The following PTK6 variants were observed in gnomAD, a reference collection of about 807,000 sequenced individuals.
The protein encoded by PTK6 is protein-tyrosine kinase 6.
Under a neutral mutation model 47.5 loss-of-function variants are expected in PTK6, and 47 were observed. The ratio of observed to expected loss-of-function variants is 0.99; its 90% CI spans 0.78 to 1.26. The LOEUF is 1.26. Ranked by LOEUF, PTK6 falls within the 50% of genes most tolerant of loss-of-function variation. PTK6 has a pLI of 0.00. For missense variants in PTK6, 618 were observed against 625.3 expected (o/e 0.99, Z 0.12); for synonymous variants, 287 against 276.5 (o/e 1.04, Z -0.38).
chr20:63,534,917 G>T (rs766368450), intron 2 of PTK6, 21 bp downstream of exon 2: 7 of 1,581,356 alleles, frequency 4.4e-6, no homozygotes, highest in Non-Finnish European at 5.2e-6. Context: ...GCAAGCACAG[G>T]CTCGGAGGCC....
rs2082607998 is a variant in PTK6 at position 63,530,315 on chromosome 20, GC to G, written c.1015-85del. 1.3e-6 allele frequency: 2 copies of G among 1,537,666 alleles called. No homozygotes were observed. The highest frequency in any genetic ancestry group is 1.2e-5 in the South Asian group (1 of 83,976). ...CATGGACGGGCACAGCGGCCGCATT[GC>G]CCCAGCAGTGGGACGGTGATGACCC... is the stretch of plus-strand genomic sequence containing the variant. On this transcript the variant is annotated intron_variant, in intron 6 of 7. Coordinates refer to ENST00000542869, the MANE Select transcript of PTK6 (RefSeq NM_005975.4). This position sits in a 1 kb window ranked among gnomAD's most constrained non-coding sequence, Gnocchi z 4.1.
In PTK6 at chr20:63,537,323, G is replaced by C. The variant is rs2082678513; in HGVS notation, c.-9C>G. On this transcript the variant is annotated 5_prime_UTR_variant, in exon 1 of 8. Coordinates refer to ENST00000542869, the MANE Select transcript of PTK6 (RefSeq NM_005975.4). ...TGGTCCCGGGACACCATGGCGGGCGGGCGCAGCGGCAGGACCAGGCTGTGG... is the reference window on the plus strand; with the variant it reads ...TGGTCCCGGGACACCATGGCGGGCGCGCGCAGCGGCAGGACCAGGCTGTGG... 6.2e-7 allele frequency: 1 copy of C among 1,600,582 alleles called. No individual in the cohort carries two copies. The highest frequency in any genetic ancestry group is 8.5e-7 in the Non-Finnish European group (1 of 1,174,310).
In PTK6 at chr20:63,528,016, A is replaced by C. The variant is rs1264262588; in HGVS notation, c.*1520T>G. ...TAGCCATGGCTCAGGATCTGATGAG[A>C]GTTTATTATATTCGTGACACGGTTG... On this transcript the variant is annotated 3_prime_UTR_variant, in exon 8 of 8. Coordinates refer to ENST00000542869, the MANE Select transcript of PTK6 (RefSeq NM_005975.4). 6.6e-6 allele frequency: 1 copy of C among 152,246 alleles called. No homozygotes were observed. The highest frequency in any genetic ancestry group is 1.9e-4 in the East Asian group (1 of 5,204). 9.4% of individuals were successfully genotyped at this position (152,246 alleles called of 1,614,324 possible).
At position 63,529,556 on chromosome 20, in the gene PTK6, T is replaced by C. The variant is rs1456419388; in HGVS notation, c.1336A>G (p.Ser446Gly). The C allele has an allele frequency of 6.4e-7, 1 of 1,572,620 alleles. No individual in the cohort carries two copies. Among genetic ancestry groups the C allele is most frequent in the Non-Finnish European group, 8.6e-7 (1 of 1,159,120 alleles). ...ALRERLSSFT[S>G]YENPT ...GCAGCTCAGGTCGGGTTCTCGTAGC[T>C]GGTGAAGCTGGAGAGCCTCTCCCGC... is the stretch of plus-strand genomic sequence containing the variant. Residue 446 changes from serine (S) to glycine (G), a missense_variant, in exon 8 of 8, where the codon AGC becomes GGC. By Grantham distance (56) the Ser-to-Gly change is moderately conservative (BLOSUM62 0). Coordinates refer to ENST00000542869, the MANE Select transcript of PTK6 (RefSeq NM_005975.4). The surrounding 1 kb of genome is among the most constrained non-coding windows in gnomAD (Gnocchi z 5.6).
At position 63,532,570 on chromosome 20, in the gene PTK6, A is replaced by C. The variant is rs911987241; in HGVS notation, c.788T>G (p.Ile263Ser). 1.5e-5 allele frequency: 24 copies of C among 1,613,730 alleles called. No individual in the cohort carries two copies. Among genetic ancestry groups the C allele is most frequent in the Non-Finnish European group, 2.0e-5 (24 of 1,179,878 alleles). Residue 263 changes from isoleucine to serine, a missense_variant, in exon 5 of 8, where the codon ATC (isoleucine) becomes AGC (serine). Ile to Ser is a moderately radical substitution (Grantham distance 142). Coordinates refer to ENST00000542869, the MANE Select transcript of PTK6 (RefSeq NM_005975.4). ...VVSVGDPVYIITELMAKGSLL... is the reference protein window; with the variant it reads ...VVSVGDPVYISTELMAKGSLL... Reference sequence around the variant, plus strand: ...GCTGCCCTTGGCCATGAGCTCCGTGATGATGTACACGGGGTCCCCCACGGA... The same window carrying C: ...GCTGCCCTTGGCCATGAGCTCCGTGCTGATGTACACGGGGTCCCCCACGGA...
At chr20:63,534,767 C>T in intron 2 of PTK6, 171 bp downstream of exon 2, 1 of 1,051,650 alleles carries the variant, frequency 9.5e-7, no homozygotes, top group South Asian at 1.9e-5. Flanking sequence ...CAGCCAGTGA[C>T]CCAGGCCCCA....
At chr20:63,534,095 C>T (rs1044812986) in intron 3 of PTK6, 57 bp downstream of exon 3, 47 of 1,478,046 alleles carry the variant, frequency 3.2e-5, no homozygotes, top group South Asian at 2.1e-4. Flanking sequence ...GTAGGAAATG[C>T]CAGCCTGTGA....
Position 63,533,016 on chromosome 20 carries a change from C to T in PTK6, c.671-329G>A, listed in dbSNP as rs2145973429. On this transcript the variant is annotated intron_variant, in intron 4 of 7. Coordinates refer to ENST00000542869, the MANE Select transcript of PTK6 (RefSeq NM_005975.4). The surrounding 1 kb of genome is among the most constrained non-coding windows in gnomAD (Gnocchi z 4.0). Reference sequence around the variant, plus strand: ...GGAAGTTTTACCCATTTCCAGTGATCTATTTTAATGGCTTTCCATTACGTC... The same window carrying T: ...GGAAGTTTTACCCATTTCCAGTGATTTATTTTAATGGCTTTCCATTACGTC... Among the ~76,000 whole-genome samples the T allele has an allele frequency of 6.6e-6, 1 of 152,212 alleles. No individual in the cohort carries two copies. The highest frequency in any genetic ancestry group is 3.4e-3 in the Middle Eastern group (1 of 294).
At position 63,533,547 on chromosome 20, in the gene PTK6, T is replaced by C. The variant is rs375032266; in HGVS notation, c.670+4A>G. 3 of 1,602,166 alleles carry C rather than the reference T, an allele frequency of 1.9e-6. No homozygotes were observed. Among genetic ancestry groups the C allele is most frequent in the African/African-American group, 2.7e-5 (2 of 74,588 alleles). ...ACACAGAGCCCTGATCGGGGCCCAC[T>C]CACCTCGAGAAATCACCTTAATGGC... On this transcript the variant is annotated splice_donor_region_variant and intron_variant, in intron 4 of 7. Transcript: ENST00000542869. The surrounding 1 kb of genome is among the most constrained non-coding windows in gnomAD (Gnocchi z 4.0).
chr20:63,530,742 C>T lies in PTK6; in HGVS notation c.1014+4G>A. Reference sequence around the variant, plus strand: ...ACCCCAGCCACGCCCTCTGAGGGCCCTACCTTGATAAGCCTGGCTAACCCG... The same window carrying T: ...ACCCCAGCCACGCCCTCTGAGGGCCTTACCTTGATAAGCCTGGCTAACCCG... On this transcript the variant is annotated splice_donor_region_variant and intron_variant, in intron 6 of 7. Coordinates refer to ENST00000542869, the MANE Select transcript of PTK6 (RefSeq NM_005975.4). This position sits in a 1 kb window ranked among gnomAD's most constrained non-coding sequence, Gnocchi z 4.1. 6.2e-7 allele frequency: 1 copy of T among 1,613,656 alleles called. No individual in the cohort carries two copies. Among genetic ancestry groups the T allele is most frequent in the African/African-American group, 1.3e-5 (1 of 75,026 alleles).
chr20:63,530,791 G>C lies in PTK6; in HGVS notation c.969C>G (p.Asn323Lys). The C allele has an allele frequency of 6.2e-7, 1 of 1,614,070 alleles. No individual in the cohort carries two copies. The highest frequency in any genetic ancestry group is 8.5e-7 in the Non-Finnish European group (1 of 1,179,968). Residue 323 changes from asparagine to lysine, a missense_variant, in exon 6 of 8, where the codon AAC becomes AAG. By Grantham distance (94) the Asn-to-Lys change is moderately conservative. Transcript: ENST00000542869. This position sits in a 1 kb window ranked among gnomAD's most constrained non-coding sequence, Gnocchi z 4.1. ...CGAAGTCCCCAACTTTGCAGAGGGT[G>C]TTTTCCCCGACGAGGATGTTCCTGG... is the stretch of plus-strand genomic sequence containing the variant. ...LAARNILVGE[N>K]TLCKVGDFGL...
intron 2 of PTK6, among the ~76,000 whole-genome samples, chr20:63,534,619 C>T (rs2082650007): frequency 6.6e-6 from 1 of 152,182 alleles, no homozygotes; most frequent in South Asian, 2.1e-4. Context: ...TCTCTGCGCC[C>T]CGCACACCCC....
Position 63,537,180 on chromosome 20 carries a change from C to G in PTK6, c.135G>C (p.Trp45Cys). 2.5e-6 allele frequency: 4 copies of G among 1,612,442 alleles called. No individual in the cohort carries two copies. Among genetic ancestry groups the G allele is most frequent in the African/African-American group, 1.3e-5 (1 of 75,064 alleles). Residue 45 changes from tryptophan to cysteine, a missense_variant, in exon 1 of 8, where the codon TGG becomes TGC. Physicochemically the swap from Trp to Cys is radical, Grantham distance 215. Transcript: ENST00000542869. ...FHVARKEEQW[W>C]WATLLDEAGG... is the part of the protein sequence containing the mutation. Reference sequence around the variant, plus strand: ...CCGCCTCGTCCAGCAGCGTGGCCCACCACCACTGCTCCTCCTTCCTGGCCA... The same window carrying G: ...CCGCCTCGTCCAGCAGCGTGGCCCAGCACCACTGCTCCTCCTTCCTGGCCA...
At chr20:63,532,397 G>T in intron 5 of PTK6, 129 bp downstream of exon 5, 1 of 1,214,074 alleles carries the variant, frequency 8.2e-7, no homozygotes, top group Non-Finnish European at 1.1e-6. Flanking sequence ...GTGTCTGTGT[G>T]TGCATGTGTG....
At position 63,529,479 on chromosome 20, in the gene PTK6, G is replaced by A. The variant is rs552047300; in HGVS notation, c.*57C>T. On this transcript the variant is annotated 3_prime_UTR_variant, in exon 8 of 8. Transcript: ENST00000542869. The surrounding 1 kb of genome is among the most constrained non-coding windows in gnomAD (Gnocchi z 5.6). ...CGCGTGGGCCTTGATCCCAGGTCCA[G>A]GCCCTCTGCCCAGGCCCCTCCTCAG... 8.8e-6 allele frequency: 13 copies of A among 1,469,726 alleles called. No individual in the cohort carries two copies. In the African/African-American group the frequency reaches 1.7e-4, roughly 19 times the overall value. 91.0% of individuals were successfully genotyped at this position (1,469,726 alleles called of 1,614,324 possible).
chr20:63,532,437 G>T (rs891104193), intron 5 of PTK6, 89 bp downstream of exon 5: 2 of 1,425,118 alleles, frequency 1.4e-6, no homozygotes, highest in Non-Finnish European at 1.9e-6. Flanking sequence ...CTACGTGTGT[G>T]TGTGTGTAGA....
Position 63,529,883 on chromosome 20 carries a change from C to A in PTK6, c.1169-160G>T, listed in dbSNP as rs1350972632. Among the ~76,000 whole-genome samples the A allele has an allele frequency of 6.6e-6, 1 of 152,228 alleles. No homozygotes were observed. The highest frequency in any genetic ancestry group is 1.5e-5 in the Non-Finnish European group (1 of 68,036). On this transcript the variant is annotated intron_variant, in intron 7 of 7. Transcript: ENST00000542869. This position sits in a 1 kb window ranked among gnomAD's most constrained non-coding sequence, Gnocchi z 5.6. ...CACTGTCCACTGCTAACACCTCCCTCTGGACAGGGCTCCAACAGGCAGCTC... is the reference window on the plus strand; with the variant it reads ...CACTGTCCACTGCTAACACCTCCCTATGGACAGGGCTCCAACAGGCAGCTC...
rs758721840 is a variant in PTK6 at position 63,530,042 on chromosome 20, C to T, written c.1168+36G>A. On this transcript the variant is annotated intron_variant, in intron 7 of 7. Coordinates refer to ENST00000542869, the MANE Select transcript of PTK6 (RefSeq NM_005975.4). The surrounding 1 kb of genome is among the most constrained non-coding windows in gnomAD (Gnocchi z 4.1). Reference sequence around the variant, plus strand: ...GCTACCCAGGACCTCCCCCACTCTGCCTCTCATGCCCAGTCAGGGACAGTG... The same window carrying T: ...GCTACCCAGGACCTCCCCCACTCTGTCTCTCATGCCCAGTCAGGGACAGTG... 6 of 1,609,892 alleles carry T rather than the reference C, an allele frequency of 3.7e-6. No homozygotes were observed. In the South Asian group the frequency reaches 6.6e-5, roughly 18 times the overall value.
Position 63,532,747 on chromosome 20 carries a change from G to A in PTK6, c.671-60C>T, listed in dbSNP as rs2082635397. ...CTGACCCCCCAGGCCCCAAGGAAGA[G>A]GCCAAGGCCCTGCCCCCACACACAG... On this transcript the variant is annotated intron_variant, in intron 4 of 7. Transcript: ENST00000542869. 8.2e-6 allele frequency: 13 copies of A among 1,578,202 alleles called. No individual in the cohort carries two copies. The South Asian group carries it at 1.4e-4, about 17-fold the overall frequency.
Sources: allele counts gnomAD v4.1 joint callset (sites outside exome capture counted in the v4.1 genomes callset), GRCh38; gene constraint gnomAD v4.1.1; non-coding constraint Gnocchi (gnomAD v3.1); transcripts MANE v1.5; gene names NCBI Gene and HGNC (gene_info 2026-07-23, HGNC 2026-07-21).